SLC25A21: variants seen among roughly 807,000 people sequenced by gnomAD.
The protein encoded by SLC25A21 is solute carrier family 25 member 21.
A neutral mutation model predicts 43.8 loss-of-function variants in SLC25A21; 47 were observed. The ratio of observed to expected loss-of-function variants is 1.07; its 90% CI spans 0.85 to 1.37. The LOEUF (loss-of-function observed/expected upper bound fraction) is 1.37, where lower values mean the gene tolerates loss of function less well. Among genes scored for constraint, SLC25A21 ranks in the 40% most tolerant of loss-of-function variants. The pLI, the probability that SLC25A21 is intolerant of heterozygous loss-of-function variation, is 0.00. For missense variants in SLC25A21, 352 were observed against 350.2 expected, an observed-to-expected ratio of 1.00 and a Z score of -0.04; for synonymous variants, 131 against 121.3, an observed-to-expected ratio of 1.08 and a Z score of -0.52.
intron 2 of SLC25A21, among the ~76,000 whole-genome samples, chr14:36,835,920 G>T (rs1273264192): frequency 1.3e-5 from 2 of 152,048 alleles, no homozygotes; most frequent in African/African-American, 4.8e-5. Context: ...TTCAAATATG[G>T]TACCCAGCCA....
intron 7 of SLC25A21, among the ~76,000 whole-genome samples, chr14:36,691,011 C>T (rs1401413267): frequency 6.6e-6 from 1 of 152,038 alleles, no homozygotes; most frequent in Non-Finnish European, 1.5e-5. Flanking sequence ...TGGGTTAAGC[C>T]CTTTGTATAT....
At chr14:37,054,218 G>T (rs1246239336) in intron 1 of SLC25A21, among the ~76,000 whole-genome samples, 1 of 152,106 alleles carries the variant, frequency 6.6e-6, no homozygotes, top group East Asian at 1.9e-4. Context: ...GCTGAGCCTA[G>T]CCTCCCAGCC....
intron 3 of SLC25A21, among the ~76,000 whole-genome samples, chr14:36,743,256 C>A (rs755355173): frequency 6.6e-6 from 1 of 152,074 alleles, no homozygotes; most frequent in Non-Finnish European, 1.5e-5. Flanking sequence ...GTGTTCATTG[C>A]CCCATTAATC....
intron 1 of SLC25A21, among the ~76,000 whole-genome samples, chr14:37,051,032 T>A (rs923296869): frequency 3.9e-5 from 6 of 152,206 alleles, no homozygotes; most frequent in Admixed American, 1.3e-4. Context: ...CTCTATCTTT[T>A]TCCATTGGCC....
intron 1 of SLC25A21, among the ~76,000 whole-genome samples, chr14:36,882,292 A>G (rs572505726): frequency 7.2e-5 from 11 of 152,348 alleles, no homozygotes; most frequent in African/African-American, 2.6e-4. Flanking sequence ...CTGAGGCAGG[A>G]GAATTGCTTG....
In SLC25A21 at chr14:36,896,768, TA is replaced by T. The variant is rs1226691342; in HGVS notation, c.71-21765del. ...AAATCTCTCAGCATTTGCTTGTCTG[TA>T]AAGTATTTTATTTCTCCTTCACTTC... On this transcript the variant is annotated intron_variant, in intron 1 of 9. Transcript: ENST00000331299. Among the ~76,000 whole-genome samples the T allele has an allele frequency of 4.6e-5, 7 of 152,346 alleles. No homozygotes were observed. The East Asian group carries it at 1.3e-3, about 29-fold the overall frequency.
At chr14:36,843,380 G>A (rs1032719513) in intron 2 of SLC25A21, among the ~76,000 whole-genome samples, 2 of 152,174 alleles carry the variant, frequency 1.3e-5, no homozygotes, top group Non-Finnish European at 2.9e-5. Context: ...AATTCAGGGG[G>A]AGGATCCTAA....
At chr14:36,861,598 C>T (rs1890066427) in intron 2 of SLC25A21, among the ~76,000 whole-genome samples, 1 of 152,206 alleles carries the variant, frequency 6.6e-6, no homozygotes, top group Non-Finnish European at 1.5e-5. Context: ...AGACACGCAC[C>T]TGCTCTTTAC....
chr14:36,702,792 G>A (rs1306129191), intron 7 of SLC25A21, among the ~76,000 whole-genome samples: 4 of 152,134 alleles, frequency 2.6e-5, no homozygotes, highest in Admixed American at 6.5e-5. Context: ...GAATAGAATA[G>A]ACCCACTGAG....
intron 1 of SLC25A21, among the ~76,000 whole-genome samples, chr14:36,891,140 G>A (rs985109943): frequency 1.3e-5 from 2 of 152,188 alleles, no homozygotes; most frequent in South Asian, 2.1e-4. Context: ...TAGGAAAGGC[G>A]GTGGCCCTAA....
chr14:36,681,306 T>C (rs769463798), intron 9 of SLC25A21, among the ~76,000 whole-genome samples: 35 of 152,194 alleles, frequency 2.3e-4, no homozygotes, highest in Non-Finnish European at 4.6e-4. Flanking sequence ...GCTTCAGTTG[T>C]ATATGGATTT....
intron 3 of SLC25A21, among the ~76,000 whole-genome samples, chr14:36,758,948 T>C (rs893811291): frequency 1.3e-5 from 2 of 152,194 alleles, no homozygotes; most frequent in Admixed American, 6.5e-5. Context: ...GCATTATCCA[T>C]GTCAAAGGAG....
At chr14:37,009,369 C>T (rs1317756387) in intron 1 of SLC25A21, among the ~76,000 whole-genome samples, 1 of 151,960 alleles carries the variant, frequency 6.6e-6, no homozygotes, top group Admixed American at 6.6e-5. Context: ...GCCTGTAATC[C>T]CAGCTACTCA....
chr14:36,817,281 G>A (rs986644471), intron 2 of SLC25A21, among the ~76,000 whole-genome samples: 12 of 152,152 alleles, frequency 7.9e-5, no homozygotes, highest in African/African-American at 2.2e-4. Context: ...GGTCGTCCAG[G>A]TGTTCACGAG....
chr14:36,678,637 G>A lies in SLC25A21; in HGVS notation c.*2021C>T. On this transcript the variant is annotated 3_prime_UTR_variant, in exon 10 of 10. Coordinates refer to ENST00000331299, the MANE Select transcript of SLC25A21 (RefSeq NM_030631.4). ...ACTATTCTTTATCAAATGTTTTTAG[G>A]TGGCTGTTAGGGGGCTTTAAAAAAT... 2 of 1,288,540 alleles carry A rather than the reference G, an allele frequency of 1.6e-6. No individual in the cohort carries two copies. The highest frequency in any genetic ancestry group is 2.8e-5 in the East Asian group (1 of 35,440). The allele number at this position is 1,288,540 out of a possible 1,614,324, so 79.8% of individuals were successfully genotyped here.
intron 1 of SLC25A21, among the ~76,000 whole-genome samples, chr14:37,133,996 A>G (rs1239860589): frequency 6.6e-6 from 1 of 152,190 alleles, no homozygotes; most frequent in Non-Finnish European, 1.5e-5. Flanking sequence ...GCAACTGGAA[A>G]AAACTCAATA....
chr14:37,078,967 C>T (rs1256285088), intron 1 of SLC25A21, among the ~76,000 whole-genome samples: 1 of 151,952 alleles, frequency 6.6e-6, no homozygotes, highest in Non-Finnish European at 1.5e-5. Context: ...AGCTAGAAAT[C>T]AGTTCTAGGA....
intron 1 of SLC25A21, among the ~76,000 whole-genome samples, chr14:37,010,490 T>C (rs1960706775): frequency 6.6e-6 from 1 of 152,110 alleles, no homozygotes; most frequent in African/African-American, 2.4e-5. Context: ...TAACTGCCAC[T>C]AAACAGCAGG....
chr14:36,978,358 T>G, intron 1 of SLC25A21, among the ~76,000 whole-genome samples: 1 of 152,228 alleles, frequency 6.6e-6, no homozygotes, highest in East Asian at 1.9e-4. Flanking sequence ...TATAGTCTAT[T>G]AAGTGTGTGA....
Sources: allele counts gnomAD v4.1 joint callset (sites outside exome capture counted in the v4.1 genomes callset), GRCh38; gene constraint gnomAD v4.1.1; transcripts MANE v1.5; gene names NCBI Gene and HGNC (gene_info 2026-07-23, HGNC 2026-07-21).